The following EPHA6 variants were observed in gnomAD, a reference collection of about 807,000 sequenced individuals.
The protein encoded by EPHA6 is ephrin type-A receptor 6.
EPHA6 carries 50 observed loss-of-function variants against 112.0 expected under a neutral mutation model. The ratio of observed to expected loss-of-function variants is 0.45; its 90% confidence interval spans 0.36 to 0.56. The LOEUF (loss-of-function observed/expected upper bound fraction) is 0.56, where lower values mean the gene tolerates loss of function less well. EPHA6 is among the 20% of genes least tolerant of loss of function. EPHA6 has a pLI of 0.00. For synonymous variants in EPHA6, 529 were observed against 490.7 expected (o/e 1.08, Z -1.03); for missense variants, 1,280 against 1,417.4 (o/e 0.90, Z 1.56).
intron 2 of EPHA6, among the ~76,000 whole-genome samples, chr3:96,880,291 A>G (rs2107506419): frequency 6.6e-6 from 1 of 152,142 alleles, no homozygotes; most frequent in South Asian, 2.1e-4. Flanking sequence ...TTAAAACAAA[A>G]TAAAGTTAAT....
At chr3:96,950,842 G>A (rs2107718941) in intron 2 of EPHA6, among the ~76,000 whole-genome samples, 1 of 152,070 alleles carries the variant, frequency 6.6e-6, no homozygotes. Context: ...TGTCTACCTA[G>A]ATCTTCATTA....
chr3:96,874,271 A>G (rs1297123535), intron 2 of EPHA6, among the ~76,000 whole-genome samples: 1 of 152,174 alleles, frequency 6.6e-6, no homozygotes, highest in Non-Finnish European at 1.5e-5. Flanking sequence ...CAAACTAAGG[A>G]TGCTTAATTA....
chr3:97,127,856 T>C (rs538358130), intron 3 of EPHA6, among the ~76,000 whole-genome samples: 1 of 152,106 alleles, frequency 6.6e-6, no homozygotes, highest in African/African-American at 2.4e-5. Flanking sequence ...AGCTGTGAAA[T>C]TCAATATTCT....
intron 3 of EPHA6, among the ~76,000 whole-genome samples, chr3:97,137,025 C>T (rs1417075754): frequency 6.6e-6 from 1 of 151,760 alleles, no homozygotes; most frequent in African/African-American, 2.4e-5. Flanking sequence ...TCTACATCAC[C>T]TGAAAAGAAT....
At chr3:96,894,511 G>T (rs1012311872) in intron 2 of EPHA6, among the ~76,000 whole-genome samples, 1 of 151,956 alleles carries the variant, frequency 6.6e-6, no homozygotes, top group African/African-American at 2.4e-5. Flanking sequence ...TACAACCAAG[G>T]AATACACCGA....
intron 5 of EPHA6, among the ~76,000 whole-genome samples, chr3:97,352,419 T>C (rs931669398): frequency 1.3e-5 from 2 of 152,160 alleles, no homozygotes; most frequent in Non-Finnish European, 2.9e-5. Context: ...CAGTCTTGAA[T>C]TGCTAACACC....
chr3:97,736,316 GA>G (rs1301123420), intron 16 of EPHA6, among the ~76,000 whole-genome samples, 198 bp downstream of exon 16: 3 of 151,860 alleles, frequency 2.0e-5, no homozygotes. Context: ...TTTAAAAAAA[GA>G]TAACAGATTC....
chr3:97,587,790 T>C (rs2107322866), intron 11 of EPHA6, among the ~76,000 whole-genome samples: 1 of 152,284 alleles, frequency 6.6e-6, no homozygotes, highest in South Asian at 2.1e-4. Flanking sequence ...TTATTATGAA[T>C]TTTCTAATGA....
Position 96,840,959 on chromosome 3 carries a change from C to A in EPHA6, c.386-25866C>A, listed in dbSNP as rs532638282. 4.6e-5 allele frequency among the ~76,000 whole-genome samples: 7 copies of A among 151,810 alleles called. No individual in the cohort carries two copies. The East Asian group carries it at 1.4e-3, about 30-fold the overall frequency. ...TAGTAATTAATATTGTTTTGTGAAC[C>A]CCCAAAATCTGAGACAGGTCTCAGT... On this transcript the variant is annotated intron_variant, in intron 1 of 17. Coordinates refer to ENST00000389672, the MANE Select transcript of EPHA6 (RefSeq NM_001080448.3).
At chr3:96,904,040 T>A (rs533619246) in intron 2 of EPHA6, among the ~76,000 whole-genome samples, 56 of 152,198 alleles carry the variant, frequency 3.7e-4, no homozygotes, top group African/African-American at 1.1e-3. Context: ...ATTGTGGAAG[T>A]CAGTGTGGCG....
At chr3:97,711,282 C>T (rs1224949335) in intron 14 of EPHA6, among the ~76,000 whole-genome samples, 1 of 151,802 alleles carries the variant, frequency 6.6e-6, no homozygotes, top group East Asian at 1.9e-4. Flanking sequence ...CCTCCCCAGC[C>T]ATGTGGAACC....
chr3:97,432,099 A>G (rs1477389954), intron 6 of EPHA6, among the ~76,000 whole-genome samples: 2 of 152,096 alleles, frequency 1.3e-5, no homozygotes, highest in East Asian at 3.9e-4. Flanking sequence ...ATTCCCACAT[A>G]TAGATCTCAA....
chr3:97,401,662 G>T (rs938276653), intron 5 of EPHA6, among the ~76,000 whole-genome samples: 3 of 151,204 alleles, frequency 2.0e-5, no homozygotes, highest in Non-Finnish European at 4.4e-5. Flanking sequence ...TCTCCATTTT[G>T]TTTATTTCTG....
At chr3:96,903,379 C>G (rs2038727218) in intron 2 of EPHA6, among the ~76,000 whole-genome samples, 1 of 152,110 alleles carries the variant, frequency 6.6e-6, no homozygotes, top group African/African-American at 2.4e-5. Context: ...GTCTACAGAT[C>G]AGGGTTCATA....
At chr3:97,645,033 C>G (rs1438803102) in intron 14 of EPHA6, among the ~76,000 whole-genome samples, 4 of 151,898 alleles carry the variant, frequency 2.6e-5, no homozygotes, top group Admixed American at 1.3e-4. Context: ...ATGCAAAAAT[C>G]CTCAATAAAA....
intron 3 of EPHA6, among the ~76,000 whole-genome samples, chr3:96,992,760 G>A (rs189492101): frequency 2.5e-4 from 38 of 152,110 alleles, no homozygotes; most frequent in Admixed American, 3.9e-4. Flanking sequence ...CAATCCATGC[G>A]TTTTTGTATC....
chr3:97,164,102 A>G (rs891298448), intron 3 of EPHA6, among the ~76,000 whole-genome samples: 1 of 152,154 alleles, frequency 6.6e-6, no homozygotes, highest in Non-Finnish European at 1.5e-5. Flanking sequence ...TAACTAGCCA[A>G]TCTCATTATA....
chr3:97,321,184 T>G (rs1246138182), intron 5 of EPHA6, among the ~76,000 whole-genome samples: 3 of 148,898 alleles, frequency 2.0e-5, no homozygotes, highest in Non-Finnish European at 4.4e-5. Context: ...GATTCATCAA[T>G]GCTGAAATGA....
At chr3:97,625,940 A>G (rs1299967325) in intron 13 of EPHA6, among the ~76,000 whole-genome samples, 2 of 151,748 alleles carry the variant, frequency 1.3e-5, no homozygotes, top group Non-Finnish European at 3.0e-5. Flanking sequence ...TTTATGAGGA[A>G]CATGCATAAA....
Sources: allele counts gnomAD v4.1 joint callset (sites outside exome capture counted in the v4.1 genomes callset), GRCh38; gene constraint gnomAD v4.1.1; transcripts MANE v1.5; gene names NCBI Gene and HGNC (gene_info 2026-07-23, HGNC 2026-07-21).